HECTD4: variants seen among roughly 807,000 people sequenced by gnomAD.
HECTD4 encodes probable E3 ubiquitin-protein ligase HECTD4.
Under a neutral mutation model 471.5 loss-of-function variants are expected in HECTD4, and 114 were observed. That is an observed-to-expected ratio of 0.24 (90% CI 0.21 to 0.28). HECTD4 has a LOEUF of 0.28. Ranked by LOEUF, HECTD4 falls within the 10% of genes least tolerant of loss-of-function variation. The pLI is 1.00. For synonymous variants in HECTD4, 2,012 were observed against 2,256.0 expected, an observed-to-expected ratio of 0.89 and a Z score of 3.07; for missense variants, 3,866 against 5,651.5, an observed-to-expected ratio of 0.68 and a Z score of 10.13.
chr12:112,169,708 C>T (rs759948164), intron 69 of HECTD4, 50 bp from the exon 70 acceptor site: 1 of 1,605,890 alleles, frequency 6.2e-7, no homozygotes, highest in Non-Finnish European at 8.5e-7. Flanking sequence ...GCCGCCCTCT[C>T]CCCTCCCCTT....
At chr12:112,167,198 G>T (rs2031002150) in intron 72 of HECTD4, 119 bp downstream of exon 72, 1 of 838,874 alleles carries the variant, frequency 1.2e-6, no homozygotes, top group Non-Finnish European at 1.9e-6. Context: ...CACCCCTAAG[G>T]TCCTCTGTGG....
rs538263018 is a variant in HECTD4, at chr12:112,165,671, C to G, written c.12535-1396G>C. ...CGGCCTAAGAGCAACTCATTTTAAA[C>G]AATTTTTTTCTAAAGCTTGTTGGAG... On this transcript the variant is annotated intron_variant, in intron 72 of 75. Transcript: ENST00000682272. Among the ~76,000 whole-genome samples the G allele has an allele frequency of 5.4e-4, 82 of 152,322 alleles. 1 individual carries two copies. The highest frequency in any genetic ancestry group is 1.9e-3 in the African/African-American group (81 of 41,576).
Position 112,179,940 on chromosome 12 carries a change from T to C in HECTD4, c.10988-543A>G, listed in dbSNP as rs149087915. 3.5e-3 allele frequency among the ~76,000 whole-genome samples: 538 copies of C among 152,364 alleles called. 6 individuals carry two copies. Among genetic ancestry groups the C allele is most frequent in the African/African-American group, 0.012 (514 of 41,584 alleles). ...GCAATGAGCAGGTGAAAAAGAGTTT[T>C]CTGAGATACAAAAAAACTGTCTATA... On this transcript the variant is annotated intron_variant, in intron 62 of 75. Coordinates refer to ENST00000682272, the MANE Select transcript of HECTD4 (RefSeq NM_001388303.1). The surrounding 1 kb of genome is among the most constrained non-coding windows in gnomAD (Gnocchi z 4.3).
At chr12:112,344,557 G>A (rs921632972) in intron 1 of HECTD4, among the ~76,000 whole-genome samples, 22 of 152,180 alleles carry the variant, frequency 1.4e-4, no homozygotes, top group African/African-American at 5.3e-4. Context: ...ATAGACTGGG[G>A]GGAAGATGGC....
rs879373827 is a variant in HECTD4 at position 112,381,264 on chromosome 12, C to G, written c.177+688G>C. On this transcript the variant is annotated intron_variant, in intron 1 of 75. Transcript: ENST00000682272. This position sits in a 1 kb window ranked among gnomAD's most constrained non-coding sequence, Gnocchi z 4.1. The stretch of plus-strand genomic sequence containing the variant: ...CTCTGAACCCGGGATGCTTGGCGAC[C>G]CCCGGGGCACACAAAAAGGCCCTGC... Among the ~76,000 whole-genome samples, 1 of 152,194 alleles carries G rather than the reference C, an allele frequency of 6.6e-6. No individual in the cohort carries two copies. Among genetic ancestry groups the G allele is most frequent in the Non-Finnish European group, 1.5e-5 (1 of 68,044 alleles).
At chr12:112,314,606 A>T in intron 2 of HECTD4, 60 bp from the exon 3 acceptor site, 1 of 921,994 alleles carries the variant, frequency 1.1e-6, no homozygotes, top group Non-Finnish European at 1.7e-6. Flanking sequence ...AATTTAGGTC[A>T]TTAATGCTAA....
intron 1 of HECTD4, among the ~76,000 whole-genome samples, chr12:112,351,899 G>A (rs2036253818): frequency 6.6e-6 from 1 of 152,122 alleles, no homozygotes; most frequent in Admixed American, 6.6e-5. Context: ...CTGTTATTCA[G>A]TTTCTTAATC....
chr12:112,199,487 C>T (rs1224609071), intron 55 of HECTD4, among the ~76,000 whole-genome samples: 1 of 152,158 alleles, frequency 6.6e-6, no homozygotes, highest in Non-Finnish European at 1.5e-5. Flanking sequence ...AAATTGTCAA[C>T]ATCATGAGAA....
At chr12:112,256,995 G>A (rs1226004265) in intron 20 of HECTD4, 1 of 152,152 alleles carries the variant, frequency 6.6e-6, no homozygotes, top group Non-Finnish European at 1.5e-5. Context: ...AGTCTACATA[G>A]CTACTTTTCA....
Position 112,237,046 on chromosome 12 carries a change from A to G in HECTD4, c.5343T>C (p.Leu1781=). The change falls in exon 35 of 76, where the codon CTT becomes CTC. Residue 1781 remains leucine (L), a synonymous_variant. Coordinates refer to ENST00000682272, the MANE Select transcript of HECTD4 (RefSeq NM_001388303.1). ...HSGLARQVSS[L]LTNHLARATE... is the part of the protein sequence containing the mutation. ...TGGCTCGGGCAAGATGGTTAGTGAG[A>G]AGGCTGGACACCTGCCGGGCCAGAC... The G allele has an allele frequency of 1.9e-6, 3 of 1,604,892 alleles. No homozygotes were observed. Among genetic ancestry groups the G allele is most frequent in the Non-Finnish European group, 1.7e-6 (2 of 1,176,144 alleles).
intron 9 of HECTD4, 21 bp downstream of exon 9, chr12:112,279,207 C>T (rs755317202): frequency 8.8e-6 from 14 of 1,591,962 alleles, no homozygotes; most frequent in South Asian, 2.3e-5. Context: ...GAGGAAAGTG[C>T]CACAAGTAAA....
chr12:112,162,015 G>T lies in HECTD4; in HGVS notation c.*372C>A. 5.3e-6 allele frequency: 1 copy of T among 189,956 alleles called. No individual in the cohort carries two copies. The highest frequency in any genetic ancestry group is 1.1e-5 in the Non-Finnish European group (1 of 91,566). 11.8% of individuals were successfully genotyped at this position (189,956 alleles called of 1,614,324 possible). ...GAAAGCACGAGCGCTCTGTGTGGCC[G>T]AGGTCATTGTACCCCCGGCTTCCTG... is the stretch of plus-strand genomic sequence containing the variant. On this transcript the variant is annotated 3_prime_UTR_variant, in exon 76 of 76. Coordinates refer to ENST00000682272, the MANE Select transcript of HECTD4 (RefSeq NM_001388303.1). The surrounding 1 kb of genome is among the most constrained non-coding windows in gnomAD (Gnocchi z 5.2).
chr12:112,180,957 C>T (rs1327850132), intron 62 of HECTD4, among the ~76,000 whole-genome samples: 10 of 150,718 alleles, frequency 6.6e-5, no homozygotes, highest in Non-Finnish European at 1.0e-4. Context: ...TTTAGTAGCA[C>T]TTGTCAGCTA....
Position 112,161,808 on chromosome 12 carries a change from G to A in HECTD4, c.*579C>T, listed in dbSNP as rs906632181. ...GCTTTTCCTCAGAAAAACCAAGACC[G>A]GGAGCAAGTTCTAAAGCAGGAAGAT... On this transcript the variant is annotated 3_prime_UTR_variant, in exon 76 of 76. Coordinates refer to ENST00000682272, the MANE Select transcript of HECTD4 (RefSeq NM_001388303.1). 1.3e-5 allele frequency: 2 copies of A among 152,260 alleles called. No homozygotes were observed. The highest frequency in any genetic ancestry group is 4.8e-5 in the African/African-American group (2 of 41,450). 9.4% of individuals were successfully genotyped at this position (152,260 alleles called of 1,614,324 possible). A position where few individuals can be genotyped will look rare whatever the true frequency, so the allele number is the denominator to read the frequency against.
rs903613163 is a variant in HECTD4 at position 112,166,742 on chromosome 12, G to A, written c.12534+575C>T. The A allele has an allele frequency of 1.3e-5, 2 of 152,512 alleles. No homozygotes were observed. Among genetic ancestry groups the A allele is most frequent in the African/African-American group, 4.8e-5 (2 of 41,584 alleles). The allele number at this position is 152,512 out of a possible 1,614,324, so 9.4% of individuals were successfully genotyped here. On this transcript the variant is annotated intron_variant, in intron 72 of 75. Coordinates refer to ENST00000682272, the MANE Select transcript of HECTD4 (RefSeq NM_001388303.1). This position sits in a 1 kb window ranked among gnomAD's most constrained non-coding sequence, Gnocchi z 4.6. ...CCTGGACACTCCCTGAGGACAGGGC[G>A]AGTGCCCAGAGCCTGGCTGGCCCGT...
At chr12:112,250,899 A>G in intron 24 of HECTD4, 72 bp downstream of exon 24, 2 of 1,446,320 alleles carry the variant, frequency 1.4e-6, no homozygotes, top group Non-Finnish European at 1.9e-6. Context: ...GAAATGTACC[A>G]AAAGGATTTT....
rs1171383384 is a variant in HECTD4, at chr12:112,173,957, TG to T, written c.11595-1097del. The stretch of plus-strand genomic sequence containing the variant: ...ATGGATTTTTAAAAAAAGCATGTTT[TG>T]GTAGCCATTTTCTTTCCTTTTCTTT... On this transcript the variant is annotated intron_variant, in intron 66 of 75. Transcript: ENST00000682272. This position sits in a 1 kb window ranked among gnomAD's most constrained non-coding sequence, Gnocchi z 4.3. Among the ~76,000 whole-genome samples the T allele has an allele frequency of 2.0e-5, 3 of 152,104 alleles. No individual in the cohort carries two copies. The highest frequency in any genetic ancestry group is 4.4e-5 in the Non-Finnish European group (3 of 68,014).
intron 1 of HECTD4, among the ~76,000 whole-genome samples, chr12:112,329,812 G>T (rs920667916): frequency 1.3e-5 from 2 of 152,134 alleles, no homozygotes; most frequent in African/African-American, 4.8e-5. Context: ...GTAATTAACA[G>T]AATAGAATTT....
At chr12:112,285,731 G>A (rs1030467175) in intron 7 of HECTD4, among the ~76,000 whole-genome samples, 2 of 151,770 alleles carry the variant, frequency 1.3e-5, no homozygotes, top group Non-Finnish European at 2.9e-5. Context: ...TCTATTTACA[G>A]ACCCATCCTT....
Sources: gnomAD v4.1 joint callset for allele counts (sites outside exome capture counted in the v4.1 genomes callset) on GRCh38, gnomAD v4.1.1 for gene constraint, Gnocchi (gnomAD v3.1) non-coding constraint, MANE v1.5 for transcripts, NCBI Gene and HGNC (gene_info 2026-07-23, HGNC 2026-07-21) for gene names.